The following ANKIB1 variants were observed in gnomAD, a reference collection of about 807,000 sequenced individuals.
ANKIB1 encodes ankyrin repeat and IBR domain containing 1.
A neutral mutation model predicts 122.1 loss-of-function variants in ANKIB1; 43 were observed. The ratio of observed to expected loss-of-function variants is 0.35; its 90% confidence interval spans 0.28 to 0.45. The LOEUF is 0.45. Among genes scored for constraint, ANKIB1 ranks in the 20% least tolerant of loss-of-function variants. The probability of loss-of-function intolerance (pLI) is 1.00; values close to 1 mark genes in which losing one functional copy is unlikely to be tolerated. For synonymous variants in ANKIB1, 390 were observed against 442.0 expected, an observed-to-expected ratio of 0.88 and a Z score of 1.48; for missense variants, 992 against 1,329.5, an observed-to-expected ratio of 0.75 and a Z score of 3.95.
At position 92,284,649 on chromosome 7, in the gene ANKIB1, T is replaced by C. The variant is rs537771193; in HGVS notation, c.-90-10240T>C. Among the ~76,000 whole-genome samples, 8 of 152,342 alleles carry C rather than the reference T, an allele frequency of 5.3e-5. No individual in the cohort carries two copies. In the South Asian group the frequency reaches 1.0e-3, roughly 20 times the overall value. On this transcript the variant is annotated intron_variant, in intron 1 of 19. Coordinates refer to ENST00000265742, the MANE Select transcript of ANKIB1 (RefSeq NM_019004.2). ...TTTCTTTTTTCATTTGTTCCTTCTT[T>C]TACCTTTCTTCCTTCATTCATTCAT...
chr7:92,292,944 A>G (rs1218064357), intron 1 of ANKIB1, among the ~76,000 whole-genome samples: 2 of 152,208 alleles, frequency 1.3e-5, no homozygotes, highest in Non-Finnish European at 2.9e-5. Flanking sequence ...GCTCTACTGT[A>G]TGTATGTATT....
rs571848450 is a variant in ANKIB1, at chr7:92,286,501, C to T, written c.-90-8388C>T. On this transcript the variant is annotated intron_variant, in intron 1 of 19. Transcript: ENST00000265742. Reference sequence around the variant, plus strand: ...CGTATTTTTTTTTTTTTTTTTGAGACGGAGTTTCGCTTTTGTTGCCCAGGC... The same window carrying T: ...CGTATTTTTTTTTTTTTTTTTGAGATGGAGTTTCGCTTTTGTTGCCCAGGC... Among the ~76,000 whole-genome samples, 15 of 141,856 alleles carry T rather than the reference C, an allele frequency of 1.1e-4. No homozygotes were observed. The East Asian group carries it at 2.1e-3, about 19-fold the overall frequency. The allele number at this position is 141,856 out of a possible 152,430, so 93.1% of individuals were successfully genotyped here. A position where few individuals can be genotyped will look rare whatever the true frequency, so the allele number is the denominator to read the frequency against.
At chr7:92,313,658 G>A (rs1247843052) in intron 3 of ANKIB1, among the ~76,000 whole-genome samples, 1 of 152,140 alleles carries the variant, frequency 6.6e-6, no homozygotes, top group African/African-American at 2.4e-5. Context: ...TAATATTTCA[G>A]TTTAAGTATT....
At chr7:92,384,392 G>T (rs2115686974) in intron 11 of ANKIB1, among the ~76,000 whole-genome samples, 2 of 152,188 alleles carry the variant, frequency 1.3e-5, no homozygotes, top group Non-Finnish European at 2.9e-5. Context: ...CTACTTTAAA[G>T]TTCATAGGGA....
At chr7:92,254,170 G>A (rs962006628) in intron 1 of ANKIB1, among the ~76,000 whole-genome samples, 3 of 152,110 alleles carry the variant, frequency 2.0e-5, no homozygotes, top group Admixed American at 1.3e-4. Context: ...TTAGCTGAAC[G>A]CACAGGAACC....
chr7:92,293,546 C>T (rs958626277), intron 1 of ANKIB1, among the ~76,000 whole-genome samples: 1 of 152,154 alleles, frequency 6.6e-6, no homozygotes, highest in Non-Finnish European at 1.5e-5. Flanking sequence ...AATAGAGTAA[C>T]ATGAAAGACT....
At chr7:92,279,403 C>T (rs1801973195) in intron 1 of ANKIB1, among the ~76,000 whole-genome samples, 1 of 152,188 alleles carries the variant, frequency 6.6e-6, no homozygotes, top group Admixed American at 6.5e-5. Flanking sequence ...TGCAATTAGC[C>T]ACTTAATCAG....
intron 5 of ANKIB1, among the ~76,000 whole-genome samples, chr7:92,341,309 C>CA (rs554016109): frequency 0.069 from 5,433 of 78,756 alleles, 252 homozygotes; most frequent in East Asian, 0.19. Context: ...GACCCTGTCT[C>CA]AAAAAAAAAA....
At chr7:92,281,963 A>T (rs918021692) in intron 1 of ANKIB1, among the ~76,000 whole-genome samples, 10 of 152,190 alleles carry the variant, frequency 6.6e-5, no homozygotes, top group African/African-American at 1.2e-4. Context: ...TTCACTTTTT[A>T]AAAAAATTTC....
At chr7:92,369,648 GCCAACCATTTAC>G (rs1804187958) in intron 10 of ANKIB1, among the ~76,000 whole-genome samples, 1 of 152,118 alleles carries the variant, frequency 6.6e-6, no homozygotes. Context: ...TGACAGTAGA[GCCAACCATTTAC>G]CCCACCACCC....
At chr7:92,397,610 T>TA in intron 18 of ANKIB1, 113 bp from the exon 19 acceptor site, 1 of 1,167,540 alleles carries the variant, frequency 8.6e-7, no homozygotes, top group Non-Finnish European at 1.2e-6. Context: ...TCAACACAGG[T>TA]TTTCCCCAGC....
rs188378641 is a variant in ANKIB1, at chr7:92,289,581, A to G, written c.-90-5308A>G. Among the ~76,000 whole-genome samples, 363 of 152,322 alleles carry G rather than the reference A, an allele frequency of 2.4e-3. 2 individuals are homozygous for G. Among genetic ancestry groups the G allele is most frequent in the African/African-American group, 8.2e-3 (341 of 41,576 alleles). Reference sequence around the variant, plus strand: ...TCCGTGGTTCTAAACTCTGACATGCATTATAATCAACTGGGAAGCTTTTAA... The same window carrying G: ...TCCGTGGTTCTAAACTCTGACATGCGTTATAATCAACTGGGAAGCTTTTAA... On this transcript the variant is annotated intron_variant, in intron 1 of 19. Coordinates refer to ENST00000265742, the MANE Select transcript of ANKIB1 (RefSeq NM_019004.2).
At position 92,344,659 on chromosome 7, in the gene ANKIB1, A is replaced by AG. The variant is rs142572815; in HGVS notation, c.997-319_997-318insG. 7.2e-3 allele frequency among the ~76,000 whole-genome samples: 1,094 copies of AG among 152,272 alleles called. 11 individuals carry two copies. Among genetic ancestry groups the AG allele is most frequent in the African/African-American group, 0.025 (1,042 of 41,566 alleles). Reference sequence around the variant, plus strand: ...CTGAAGTGGTTTTTTGCAACATGTAATTTGATGTTGGCCCAAATGATTTGT... The same window carrying AG: ...CTGAAGTGGTTTTTTGCAACATGTAAGTTTGATGTTGGCCCAAATGATTTGT... On this transcript the variant is annotated intron_variant, in intron 6 of 19. Transcript: ENST00000265742.
Position 92,401,253 on chromosome 7 carries a change from T to C in ANKIB1, c.*2304T>C, listed in dbSNP as rs1805005038. The C allele has an allele frequency of 6.6e-6, 1 of 152,262 alleles. No homozygotes were observed. The highest frequency in any genetic ancestry group is 2.4e-5 in the African/African-American group (1 of 41,472). The allele number at this position is 152,262 out of a possible 1,614,324, so 9.4% of individuals were successfully genotyped here. A position where few individuals can be genotyped will look rare whatever the true frequency, so the allele number is the denominator to read the frequency against. ...TCTAACCTTGACTTGTTATTTGCAC[T>C]TTCATAGTCTATACTTGATACATTC... On this transcript the variant is annotated 3_prime_UTR_variant, in exon 20 of 20. Transcript: ENST00000265742.
intron 2 of ANKIB1, among the ~76,000 whole-genome samples, chr7:92,306,466 C>G (rs1174677040): frequency 2.0e-5 from 3 of 152,080 alleles, no homozygotes; most frequent in African/African-American, 7.2e-5. Context: ...CTAACCACAA[C>G]TCCCCTCAGA....
At chr7:92,362,641 T>C (rs1473989676) in intron 10 of ANKIB1, among the ~76,000 whole-genome samples, 3 of 152,250 alleles carry the variant, frequency 2.0e-5, no homozygotes, top group African/African-American at 7.2e-5. Context: ...GAGCTTCTCA[T>C]ATCCCTGAAA....
At chr7:92,305,734 T>A (rs1336915260) in intron 2 of ANKIB1, among the ~76,000 whole-genome samples, 2 of 152,088 alleles carry the variant, frequency 1.3e-5, no homozygotes, top group Non-Finnish European at 1.5e-5. Flanking sequence ...AAAGGCTACA[T>A]GGAGCTGTAG....
rs911835946 is a variant in ANKIB1, at chr7:92,362,276, A to G, written c.1486+3A>G. On this transcript the variant is annotated splice_donor_region_variant and intron_variant, in intron 10 of 19. Coordinates refer to ENST00000265742, the MANE Select transcript of ANKIB1 (RefSeq NM_019004.2). ...AACCGAAATGAAACCAGAAGAACGT[A>G]AGAGGAATTTTAGATAGCTTTGCTG... is the stretch of plus-strand genomic sequence containing the variant. 1 of 1,580,714 alleles carries G rather than the reference A, an allele frequency of 6.3e-7. No homozygotes were observed. Among genetic ancestry groups the G allele is most frequent in the Non-Finnish European group, 8.6e-7 (1 of 1,162,554 alleles).
At chr7:92,257,321 A>G (rs1486035735) in intron 1 of ANKIB1, among the ~76,000 whole-genome samples, 1 of 152,226 alleles carries the variant, frequency 6.6e-6, no homozygotes, top group Non-Finnish European at 1.5e-5. Flanking sequence ...AGTGGGGGAC[A>G]AGATGTGCCA....
Sources: allele counts gnomAD v4.1 joint callset (sites outside exome capture counted in the v4.1 genomes callset), GRCh38; gene constraint gnomAD v4.1.1; transcripts MANE v1.5; gene names NCBI Gene and HGNC (gene_info 2026-07-23, HGNC 2026-07-21).